The following MYO18B variants were observed in gnomAD, a reference collection of about 807,000 sequenced individuals.
The protein encoded by MYO18B is myosin XVIIIB, also known as unconventional myosin-XVIIIb.
Under a neutral mutation model 273.0 loss-of-function variants are expected in MYO18B, and 204 were observed. That is an observed-to-expected ratio of 0.75 (90% confidence interval 0.67 to 0.84). MYO18B has a LOEUF of 0.84. Among genes scored for constraint, MYO18B ranks in the 40% least tolerant of loss-of-function variants. The pLI, the probability that MYO18B is intolerant of heterozygous loss-of-function variation, is 0.00. For missense variants in MYO18B, 3,212 were observed against 3,287.6 expected (o/e 0.98, Z 0.56); for synonymous variants, 1,330 against 1,305.7 (o/e 1.02, Z -0.40).
chr22:26,052,578 G>T, the MYO18B span, among the ~76,000 whole-genome samples: 1 of 152,092 alleles, frequency 6.6e-6, no homozygotes, highest in Non-Finnish European at 1.5e-5. Flanking sequence ...TGAGGGGTGA[G>T]AAACCAAGGG....
the MYO18B span, among the ~76,000 whole-genome samples, chr22:26,060,830 A>G: frequency 7.3e-6 from 1 of 137,902 alleles, no homozygotes; most frequent in South Asian, 2.9e-4. Flanking sequence ...ATACATATAT[A>G]CATATACACA....
chr22:25,896,264 C>T (rs2091797967), intron 28 of MYO18B: 1 of 152,122 alleles, frequency 6.6e-6, no homozygotes, highest in South Asian at 2.1e-4. Flanking sequence ...TGAAAGCAAG[C>T]TTTCTTACCA....
At chr22:26,034,119 A>G (rs907512106), downstream of MYO18B, among the ~76,000 whole-genome samples, 3 of 152,084 alleles carry the variant, frequency 2.0e-5, no homozygotes, top group African/African-American at 4.8e-5. Flanking sequence ...TGCTTGGCTA[A>G]TTTTTGTATT....
chr22:25,775,594 C>T (rs533869984), intron 7 of MYO18B, among the ~76,000 whole-genome samples: 23 of 152,270 alleles, frequency 1.5e-4, no homozygotes, highest in Admixed American at 5.2e-4. Flanking sequence ...TCTCTGGTCT[C>T]TTACTGAACT....
chr22:25,868,195 A>G (rs2090944583), intron 21 of MYO18B, 125 bp from the exon 22 acceptor site: 2 of 779,406 alleles, frequency 2.6e-6, no homozygotes, highest in East Asian at 5.4e-5. Flanking sequence ...TCTGTTAGCC[A>G]AAGCTCACAG....
chr22:25,971,569 T>A lies in MYO18B; in HGVS notation c.6156+16205T>A, dbSNP rs565214399. Among the ~76,000 whole-genome samples the A allele has an allele frequency of 2.0e-5, 3 of 152,336 alleles. No homozygotes were observed. In the South Asian group the frequency reaches 6.2e-4, roughly 32 times the overall value. ...TGATGCAGATCTTTTTGTAGCTCAT[T>A]TGAGAGTCTGGCAGCTCTGAGTTTC... On this transcript the variant is annotated intron_variant, in intron 39 of 43. Transcript: ENST00000335473.
At chr22:25,761,172 G>T in intron 2 of MYO18B, 41 bp downstream of exon 2, 1 of 1,609,358 alleles carries the variant, frequency 6.2e-7, no homozygotes, top group South Asian at 1.1e-5. Flanking sequence ...CATCTGCAGG[G>T]ACTGACTCGA....
rs760827375 is a variant in MYO18B at position 25,955,263 on chromosome 22, G to A, written c.6055G>A (p.Glu2019Lys). Reference protein sequence around the residue: ...QAATSESQQRESSQYYQRRLE... With the variant: ...QAATSESQQRKSSQYYQRRLE... ...GGCCACCTCCGAGTCCCAGCAGCGG[G>A]AGAGCAGCCAGTACTACCAGCGGCG... Residue 2019 changes from glutamate (E) to lysine (K), a missense_variant, in exon 39 of 44, where the codon GAG becomes AAG. Glu to Lys is a moderately conservative substitution (Grantham distance 56). Transcript: ENST00000335473. The A allele has an allele frequency of 6.2e-7, 1 of 1,613,768 alleles. No homozygotes were observed. The highest frequency in any genetic ancestry group is 1.1e-5 in the South Asian group (1 of 91,026).
At chr22:25,831,094 T>C (rs1029119876) in intron 15 of MYO18B, among the ~76,000 whole-genome samples, 5 of 152,250 alleles carry the variant, frequency 3.3e-5, no homozygotes, top group Admixed American at 2.6e-4. Context: ...TGTTTCTTTT[T>C]TGTTTGTTGT....
Position 25,828,959 on chromosome 22 carries a change from A to T in MYO18B, c.2970A>T (p.Arg990=), listed in dbSNP as rs2089600644. 1.2e-6 allele frequency: 2 copies of T among 1,613,888 alleles called. No homozygotes were observed. The highest frequency in any genetic ancestry group is 1.7e-6 in the Non-Finnish European group (2 of 1,179,858). ...GGACCTTTGTCTCCACGCTACAGCG[A>T]TATCAAGAGGTATGCCTGGGCTGGA... The part of the protein sequence containing the change: ...YQRTFVSTLQ[R]YQEEGVPVQF... The change falls in exon 15 of 44, where the codon CGA becomes CGT. Residue 990 remains arginine (R), a synonymous_variant. Transcript: ENST00000335473.
Position 25,898,436 on chromosome 22 carries a change from C to G in MYO18B, c.4798C>G (p.His1600Asp). The change falls in exon 29 of 44, where the codon CAT becomes GAT. Residue 1600 changes from histidine (H) to aspartate (D), a missense_variant. By Grantham distance (81) the His-to-Asp change is moderately conservative (BLOSUM62 -1). Transcript: ENST00000335473. ...GCTAGAGAACCAACAAAGTCGAAACCATGAGCTGGAGAAGAAGCAGAAGAA... is the reference window on the plus strand; with the variant it reads ...GCTAGAGAACCAACAAAGTCGAAACGATGAGCTGGAGAAGAAGCAGAAGAA... ...VLLENQQSRN[H>D]ELEKKQKKFD... 5.0e-6 allele frequency: 8 copies of G among 1,613,786 alleles called. No individual in the cohort carries two copies. Among genetic ancestry groups the G allele is most frequent in the Non-Finnish European group, 6.8e-6 (8 of 1,179,806 alleles).
intron 34 of MYO18B, among the ~76,000 whole-genome samples, chr22:25,924,104 C>T (rs763196086): frequency 2.6e-5 from 4 of 152,156 alleles, no homozygotes; most frequent in Non-Finnish European, 4.4e-5. Context: ...ATCGCGTGGA[C>T]CAGAGGTCAG....
At chr22:25,837,419 T>C (rs1419943060) in intron 17 of MYO18B, among the ~76,000 whole-genome samples, 1 of 152,186 alleles carries the variant, frequency 6.6e-6, no homozygotes, top group African/African-American at 2.4e-5. Flanking sequence ...CCTTATCAAA[T>C]GCGGCTGAAA....
intron 2 of MYO18B, among the ~76,000 whole-genome samples, chr22:25,761,631 A>G (rs1568978174): frequency 1.3e-5 from 2 of 152,114 alleles, no homozygotes; most frequent in Admixed American, 6.5e-5. Flanking sequence ...ATGATACGCT[A>G]CGAAGGGCTG....
At chr22:25,966,570 T>G (rs1279733897) in intron 39 of MYO18B, among the ~76,000 whole-genome samples, 1 of 152,192 alleles carries the variant, frequency 6.6e-6, no homozygotes, top group Non-Finnish European at 1.5e-5. Flanking sequence ...TACTGCCCCG[T>G]TATCTCAGTG....
intron 34 of MYO18B, among the ~76,000 whole-genome samples, chr22:25,925,871 C>G (rs894898389): frequency 7.2e-6 from 1 of 139,202 alleles, no homozygotes; most frequent in Non-Finnish European, 1.5e-5. Flanking sequence ...CGCCATTGCA[C>G]TCCAGCATGG....
intron 39 of MYO18B, among the ~76,000 whole-genome samples, chr22:25,972,958 GAAA>G (rs66647025): frequency 2.1e-4 from 17 of 80,644 alleles, no homozygotes; most frequent in African/African-American, 5.4e-4. Flanking sequence ...TGTCTCAAAG[GAAA>G]AAAAAAAAAA....
intron 35 of MYO18B, 44 bp from the exon 36 acceptor site, chr22:25,947,668 C>G (rs1031161412): frequency 7.3e-6 from 11 of 1,506,230 alleles, no homozygotes; most frequent in Non-Finnish European, 1.0e-5. Context: ...CTGCCCATCC[C>G]TCACCCTCTC....
intron 31 of MYO18B, among the ~76,000 whole-genome samples, chr22:25,907,923 A>G (rs1285618420): frequency 6.6e-6 from 1 of 151,928 alleles, no homozygotes; most frequent in Non-Finnish European, 1.5e-5. Context: ...AATCCCAGCT[A>G]CTTGGGAGGC....
Sources: gnomAD v4.1 joint callset for allele counts (sites outside exome capture counted in the v4.1 genomes callset) on GRCh38, gnomAD v4.1.1 for gene constraint, MANE v1.5 for transcripts, NCBI Gene and HGNC (gene_info 2026-07-23, HGNC 2026-07-21) for gene names.